The following ANKRD44 variants were observed in gnomAD, a reference collection of about 807,000 sequenced individuals.
The protein encoded by ANKRD44 is serine/threonine-protein phosphatase 6 regulatory ankyrin repeat subunit B.
ANKRD44 carries 35 observed loss-of-function variants against 116.0 expected under a neutral mutation model. That is an observed-to-expected ratio of 0.30 (90% CI 0.23 to 0.40). ANKRD44 has a LOEUF of 0.40. ANKRD44 is among the 10% of genes least tolerant of loss of function. ANKRD44 has a pLI of 1.00. For missense variants in ANKRD44, 1,014 were observed against 1,242.6 expected (o/e 0.82, Z 2.77); for synonymous variants, 435 against 461.8 (o/e 0.94, Z 0.74).
chr2:197,185,200 C>T (rs2080624285), intron 2 of ANKRD44, among the ~76,000 whole-genome samples: 1 of 152,206 alleles, frequency 6.6e-6, no homozygotes, highest in Admixed American at 6.5e-5. Flanking sequence ...GGACAAATGC[C>T]CAACTGCCTT....
intron 2 of ANKRD44, among the ~76,000 whole-genome samples, chr2:197,177,719 A>G (rs1021233401): frequency 1.3e-5 from 2 of 152,190 alleles, no homozygotes; most frequent in Non-Finnish European, 2.9e-5. Context: ...CCCACCACCA[A>G]GATTCAGCTA....
At chr2:197,045,488 C>G (rs377032151) in intron 16 of ANKRD44, among the ~76,000 whole-genome samples, 3,469 of 151,492 alleles carry the variant, frequency 0.023, 172 homozygotes, top group East Asian at 0.2. Context: ...ATTTCCACCC[C>G]TGTTATTCAT....
intron 21 of ANKRD44, among the ~76,000 whole-genome samples, chr2:196,970,306 T>C (rs1396820979): frequency 6.6e-6 from 1 of 152,188 alleles, no homozygotes; most frequent in Non-Finnish European, 1.5e-5. Flanking sequence ...GCAGTTTCTC[T>C]GTTGACTAAC....
chr2:197,095,556 A>C (rs2078141824), intron 10 of ANKRD44, among the ~76,000 whole-genome samples: 1 of 152,196 alleles, frequency 6.6e-6, no homozygotes, highest in African/African-American at 2.4e-5. Flanking sequence ...TCCTACACAA[A>C]TGGTGACTTC....
intron 1 of ANKRD44, among the ~76,000 whole-genome samples, chr2:197,216,192 C>G (rs950130056): frequency 6.6e-6 from 1 of 152,176 alleles, no homozygotes; most frequent in African/African-American, 2.4e-5. Context: ...ATTCAAAATG[C>G]AGTCTGGTAT....
At chr2:197,096,883 A>G (rs2078173606) in intron 10 of ANKRD44, among the ~76,000 whole-genome samples, 1 of 152,056 alleles carries the variant, frequency 6.6e-6, no homozygotes, top group African/African-American at 2.4e-5. Context: ...CAAACACACA[A>G]AGGCACTTAC....
intron 1 of ANKRD44, chr2:197,301,526 G>A (rs1174629449): frequency 6.6e-6 from 1 of 152,082 alleles, no homozygotes; most frequent in Non-Finnish European, 1.5e-5. Context: ...CCAGAAAATA[G>A]GACAATATGT....
intron 21 of ANKRD44, among the ~76,000 whole-genome samples, chr2:196,967,627 G>A (rs1051222996): frequency 2.6e-5 from 4 of 152,092 alleles, no homozygotes; most frequent in East Asian, 1.9e-4. Context: ...GTACAAACTA[G>A]TTCTTTAAAA....
intron 1 of ANKRD44, chr2:197,296,705 C>T (rs1180992831): frequency 6.6e-6 from 1 of 152,132 alleles, no homozygotes; most frequent in Middle Eastern, 3.2e-3. Flanking sequence ...CCAAGAATCA[C>T]CTCAAATTGA....
intron 1 of ANKRD44, among the ~76,000 whole-genome samples, chr2:197,251,464 T>C (rs964706116): frequency 2.6e-5 from 4 of 152,220 alleles, no homozygotes; most frequent in Non-Finnish European, 5.9e-5. Flanking sequence ...TAATTAACAT[T>C]GCTGCCAGAA....
intron 1 of ANKRD44, among the ~76,000 whole-genome samples, chr2:197,208,240 C>T (rs542166588): frequency 4.3e-4 from 66 of 152,224 alleles, no homozygotes; most frequent in South Asian, 3.1e-3. Context: ...GTGACAACCC[C>T]CACGCGCCCC....
At chr2:197,285,394 C>T (rs1217444768) in intron 1 of ANKRD44, among the ~76,000 whole-genome samples, 4 of 152,048 alleles carry the variant, frequency 2.6e-5, no homozygotes, top group South Asian at 2.1e-4. Flanking sequence ...AGCCTGCCTG[C>T]GATGGAGCAA....
chr2:197,218,295 CTTCT>C (rs1331343138), intron 1 of ANKRD44, among the ~76,000 whole-genome samples: 3 of 152,148 alleles, frequency 2.0e-5, no homozygotes, highest in African/African-American at 7.2e-5. Flanking sequence ...GTGTCTCTGC[CTTCT>C]TTAAGACAGC....
At chr2:197,287,212 T>A (rs1292153693) in intron 1 of ANKRD44, among the ~76,000 whole-genome samples, 1 of 152,162 alleles carries the variant, frequency 6.6e-6, no homozygotes. Flanking sequence ...CTCTGTACTT[T>A]CTGCTCAATT....
At chr2:197,114,860 A>G (rs1357939147) in intron 8 of ANKRD44, among the ~76,000 whole-genome samples, 13 of 152,302 alleles carry the variant, frequency 8.5e-5, no homozygotes, top group Admixed American at 7.8e-4. Context: ...AAAGCCACAC[A>G]TTGTCCAATT....
chr2:197,018,573 T>G (rs1463918269), intron 17 of ANKRD44, among the ~76,000 whole-genome samples: 1 of 152,142 alleles, frequency 6.6e-6, no homozygotes, highest in Middle Eastern at 3.2e-3. Flanking sequence ...ACCCCACTAA[T>G]CCTGCTTTCT....
At chr2:197,136,890 A>T (rs966047089) in intron 3 of ANKRD44, among the ~76,000 whole-genome samples, 1 of 152,234 alleles carries the variant, frequency 6.6e-6, no homozygotes, top group African/African-American at 2.4e-5. Flanking sequence ...AAAAGAAGTC[A>T]GTTTCCATGA....
chr2:197,215,890 A>T (rs932883999), intron 1 of ANKRD44, among the ~76,000 whole-genome samples: 5 of 152,228 alleles, frequency 3.3e-5, no homozygotes, highest in African/African-American at 1.2e-4. Context: ...TTGTGCCAAA[A>T]TTTATGATGC....
At chr2:197,300,263 C>T (rs558494687) in intron 1 of ANKRD44, among the ~76,000 whole-genome samples, 8 of 152,246 alleles carry the variant, frequency 5.3e-5, no homozygotes, top group Middle Eastern at 3.4e-3. Context: ...ATTTCCTTAC[C>T]TCTTCTTCCT....
Sources: gnomAD v4.1 joint callset for allele counts (sites outside exome capture counted in the v4.1 genomes callset) on GRCh38, gnomAD v4.1.1 for gene constraint, MANE v1.5 for transcripts, NCBI Gene and HGNC (gene_info 2026-07-23, HGNC 2026-07-21) for gene names.